Variants in PLXDC2 observed in about 807,000 individuals in gnomAD.
PLXDC2 encodes the protein plexin domain containing 2, also known as plexin domain-containing protein 2.
Under a neutral mutation model 68.9 loss-of-function variants are expected in PLXDC2, and 40 were observed. The observed-to-expected ratio is 0.58, with a 90% CI of 0.45 to 0.76. PLXDC2 has a LOEUF of 0.76. Among genes scored for constraint, PLXDC2 ranks in the 30% least tolerant of loss-of-function variants. PLXDC2 has a pLI of 0.00. For synonymous variants in PLXDC2, 243 were observed against 234.2 expected (o/e 1.04, Z -0.34); for missense variants, 644 against 661.9 (o/e 0.97, Z 0.30).
At chr10:20,007,344 T>A (rs1418400740) in intron 2 of PLXDC2, among the ~76,000 whole-genome samples, 1 of 152,254 alleles carries the variant, frequency 6.6e-6, no homozygotes, top group Admixed American at 6.5e-5. Context: ...TAGAATAGTG[T>A]TGGTCACTTA....
intron 1 of PLXDC2, among the ~76,000 whole-genome samples, chr10:19,981,467 T>A (rs1256720063): frequency 6.6e-6 from 1 of 152,200 alleles, no homozygotes; most frequent in Non-Finnish European, 1.5e-5. Flanking sequence ...GACTTGAACC[T>A]CATTCCGTTG....
chr10:20,259,007 CAAAA>C (rs59615493), intron 13 of PLXDC2, among the ~76,000 whole-genome samples: 3 of 102,126 alleles, frequency 2.9e-5, no homozygotes, highest in Non-Finnish European at 4.2e-5. Flanking sequence ...TACTCCGTCT[CAAAA>C]AAAAAAAAAA....
intron 2 of PLXDC2, among the ~76,000 whole-genome samples, chr10:20,020,178 ATTTT>A (rs71388889): frequency 0.076 from 8,118 of 107,274 alleles, 271 homozygotes; most frequent in Middle Eastern, 0.14. Context: ...CACCCAGCAA[ATTTT>A]TTTTTTTTTT....
chr10:19,918,670 A>G (rs1273384695), intron 1 of PLXDC2, among the ~76,000 whole-genome samples: 1 of 152,210 alleles, frequency 6.6e-6, no homozygotes, highest in South Asian at 2.1e-4. Context: ...AGAACATATT[A>G]AAGAAAAGTA....
rs189433936 is a variant in PLXDC2 at position 19,920,805 on chromosome 10, G to A, written c.113-80970G>A. 9.4e-3 allele frequency among the ~76,000 whole-genome samples: 1,437 copies of A among 152,244 alleles called. 9 individuals are homozygous for A. Among genetic ancestry groups the A allele is most frequent in the Non-Finnish European group, 0.015 (1,000 of 68,016 alleles). ...ACTCCTGGCCTCAAGCAACCTGCTGGCCTAATCCTCCCTAAGTGCTGAGAT... is the reference window on the plus strand; with the variant it reads ...ACTCCTGGCCTCAAGCAACCTGCTGACCTAATCCTCCCTAAGTGCTGAGAT... On this transcript the variant is annotated intron_variant, in intron 1 of 13. Transcript: ENST00000377252.
At chr10:20,216,256 A>G (rs1462399650) in intron 10 of PLXDC2, among the ~76,000 whole-genome samples, 4 of 152,186 alleles carry the variant, frequency 2.6e-5, no homozygotes, top group Non-Finnish European at 5.9e-5. Context: ...TGGAGTTCGC[A>G]GGTACAGGGA....
intron 6 of PLXDC2, among the ~76,000 whole-genome samples, chr10:20,163,126 G>A (rs992880828): frequency 6.6e-6 from 1 of 152,076 alleles, no homozygotes; most frequent in Non-Finnish European, 1.5e-5. Context: ...CTTGTTTTGT[G>A]TGTTTCTGTT....
chr10:19,939,975 T>C (rs1487009308), intron 1 of PLXDC2, among the ~76,000 whole-genome samples: 2 of 151,898 alleles, frequency 1.3e-5, no homozygotes, highest in African/African-American at 4.9e-5. Flanking sequence ...TCCATTGGTA[T>C]GGTTGGCTTT....
chr10:20,093,855 G>A lies in PLXDC2; in HGVS notation c.541+25616G>A, dbSNP rs549806178. The stretch of plus-strand genomic sequence containing the variant: ...TGCCTGGCTAATTTTTTGTATTTTT[G>A]ATAGAAGTGGAGTTTCACCCTGTTG... On this transcript the variant is annotated intron_variant, in intron 4 of 13. Coordinates refer to ENST00000377252, the MANE Select transcript of PLXDC2 (RefSeq NM_032812.9). 2.0e-5 allele frequency among the ~76,000 whole-genome samples: 3 copies of A among 151,764 alleles called. No individual in the cohort carries two copies. In the East Asian group the frequency reaches 5.9e-4, roughly 30 times the overall value.
chr10:19,819,410 A>AT (rs1437443956), intron 1 of PLXDC2, among the ~76,000 whole-genome samples: 3 of 152,190 alleles, frequency 2.0e-5, no homozygotes, highest in African/African-American at 4.8e-5. Flanking sequence ...CTGAATATAT[A>AT]AAAAAAGCAA....
At chr10:19,820,984 G>A (rs917476617) in intron 1 of PLXDC2, among the ~76,000 whole-genome samples, 2 of 152,202 alleles carry the variant, frequency 1.3e-5, no homozygotes, top group African/African-American at 4.8e-5. Context: ...GGAGGATGAG[G>A]CAGGAGAATC....
At chr10:20,023,173 A>G (rs1835342119) in intron 2 of PLXDC2, among the ~76,000 whole-genome samples, 1 of 150,456 alleles carries the variant, frequency 6.6e-6, no homozygotes, top group Non-Finnish European at 1.5e-5. Flanking sequence ...TACAATCCGT[A>G]TTGTTTCAGA....
intron 1 of PLXDC2, among the ~76,000 whole-genome samples, chr10:19,905,543 G>A (rs1238031154): frequency 6.6e-6 from 1 of 152,192 alleles, no homozygotes; most frequent in Non-Finnish European, 1.5e-5. Flanking sequence ...AATCAATGGA[G>A]TGTGGGGAAA....
intron 4 of PLXDC2, among the ~76,000 whole-genome samples, chr10:20,143,058 T>C (rs914313940): frequency 1.3e-5 from 2 of 152,030 alleles, no homozygotes; most frequent in African/African-American, 2.4e-5. Flanking sequence ...CCAATTAAAA[T>C]TGTACATGTT....
intron 13 of PLXDC2, among the ~76,000 whole-genome samples, chr10:20,268,747 A>G (rs1164966565): frequency 6.6e-6 from 1 of 152,228 alleles, no homozygotes; most frequent in Admixed American, 6.5e-5. Flanking sequence ...AGTCTGTTGT[A>G]GGGAGGCAGC....
chr10:20,140,456 C>T (rs910443578), intron 4 of PLXDC2, among the ~76,000 whole-genome samples: 5 of 72,262 alleles, frequency 6.9e-5, no homozygotes, highest in African/African-American at 2.8e-4. Context: ...TAATCTTTAG[C>T]TGGGAATGCC....
At chr10:19,915,457 A>G (rs1172966846) in intron 1 of PLXDC2, among the ~76,000 whole-genome samples, 1 of 152,190 alleles carries the variant, frequency 6.6e-6, no homozygotes, top group Non-Finnish European at 1.5e-5. Context: ...ATACATTGAG[A>G]ACTACATTAC....
intron 1 of PLXDC2, among the ~76,000 whole-genome samples, chr10:19,940,046 T>G (rs1421542236): frequency 2.6e-5 from 4 of 151,946 alleles, no homozygotes; most frequent in African/African-American, 7.3e-5. Context: ...ATTCAAATTT[T>G]TAGTAATTTC....
At chr10:19,942,942 C>G (rs937532022) in intron 1 of PLXDC2, among the ~76,000 whole-genome samples, 2 of 152,178 alleles carry the variant, frequency 1.3e-5, no homozygotes, top group Non-Finnish European at 2.9e-5. Flanking sequence ...TTTGTAATAA[C>G]AAGGAGATGT....
Sources: allele counts gnomAD v4.1 joint callset (sites outside exome capture counted in the v4.1 genomes callset), GRCh38; gene constraint gnomAD v4.1.1; transcripts MANE v1.5; gene names NCBI Gene and HGNC (gene_info 2026-07-23, HGNC 2026-07-21).